IKZF1: variants seen among roughly 807,000 people sequenced by gnomAD.
IKZF1 encodes IKAROS family zinc finger 1.
Under a neutral mutation model 51.7 loss-of-function variants are expected in IKZF1, and 10 were observed. That is an observed-to-expected ratio of 0.19 (90% CI 0.12 to 0.33). IKZF1 has a LOEUF of 0.33. Among genes scored for constraint, IKZF1 ranks in the 10% least tolerant of loss-of-function variants. The pLI is 1.00. For missense variants in IKZF1, 484 were observed against 707.5 expected (o/e 0.68, Z 3.58); for synonymous variants, 280 against 282.3 (o/e 0.99, Z 0.08).
At chr7:50,371,213 C>T (rs375601251) in intron 3 of IKZF1, among the ~76,000 whole-genome samples, 20 of 152,254 alleles carry the variant, frequency 1.3e-4, no homozygotes, top group African/African-American at 4.3e-4. Flanking sequence ...GGATGGGTTC[C>T]GGGGTATTAT....
intron 1 of IKZF1, among the ~76,000 whole-genome samples, chr7:50,317,098 G>A (rs1235816741): frequency 1.3e-5 from 2 of 152,186 alleles, no homozygotes; most frequent in Non-Finnish European, 2.9e-5. Flanking sequence ...CTAAGTGGTA[G>A]AAATTATGAG....
At chr7:50,328,788 T>C (rs889935910) in intron 3 of IKZF1, 1 of 152,136 alleles carries the variant, frequency 6.6e-6, no homozygotes, top group African/African-American at 2.4e-5. Flanking sequence ...GAAAACATAT[T>C]TTGGGCCGGG....
chr7:50,398,494 C>G (rs769396400), intron 7 of IKZF1, among the ~76,000 whole-genome samples: 1 of 152,222 alleles, frequency 6.6e-6, no homozygotes, highest in African/African-American at 2.4e-5. Context: ...CTTATCAACC[C>G]TCCTTATCTG....
Position 50,391,623 on chromosome 7 carries a change from G to C in IKZF1, c.716-106G>C, listed in dbSNP as rs534609991. The C allele has an allele frequency of 8.4e-4, 1,250 of 1,484,224 alleles. 20 individuals are homozygous for C. In the South Asian group the frequency reaches 0.016, roughly 19 times the overall value. 91.9% of individuals were successfully genotyped at this position (1,484,224 alleles called of 1,614,324 possible). A position where few individuals can be genotyped will look rare whatever the true frequency, so the allele number is the denominator to read the frequency against. Reference sequence around the variant, plus strand: ...AGATTAGAATTAATCTCTAGGAAGGGCCTGGCTCTTGTAGGCACTTAACAA... The same window carrying C: ...AGATTAGAATTAATCTCTAGGAAGGCCCTGGCTCTTGTAGGCACTTAACAA... On this transcript the variant is annotated intron_variant, in intron 6 of 7. Coordinates refer to ENST00000331340, the MANE Select transcript of IKZF1 (RefSeq NM_006060.6).
At chr7:50,323,098 T>C (rs1793866074) in intron 2 of IKZF1, among the ~76,000 whole-genome samples, 1 of 152,248 alleles carries the variant, frequency 6.6e-6, no homozygotes, top group African/African-American at 2.4e-5. Flanking sequence ...TTTATCAAGT[T>C]AAGCATAGTA....
At chr7:50,330,559 C>T (rs1373447197) in intron 3 of IKZF1, among the ~76,000 whole-genome samples, 1 of 152,168 alleles carries the variant, frequency 6.6e-6, no homozygotes, top group Non-Finnish European at 1.5e-5. Flanking sequence ...AGAGAGGGCT[C>T]TTCACAGAGC....
intron 3 of IKZF1, among the ~76,000 whole-genome samples, chr7:50,361,881 G>GA (rs972775511): frequency 2.0e-4 from 30 of 150,110 alleles, no homozygotes; most frequent in East Asian, 5.8e-4. Context: ...TCTCAAAAAA[G>GA]AAAAAAAAAG....
chr7:50,346,250 C>T (rs535154899), intron 3 of IKZF1, among the ~76,000 whole-genome samples: 1 of 152,310 alleles, frequency 6.6e-6, no homozygotes, highest in South Asian at 2.1e-4. Flanking sequence ...CATCAGGCCC[C>T]AGTGCATAAG....
intron 1 of IKZF1, 142 bp from the exon 2 acceptor site, chr7:50,318,906 G>A (rs1175986725): frequency 3.6e-6 from 2 of 557,100 alleles, no homozygotes; most frequent in African/African-American, 1.9e-5. Flanking sequence ...TGATACTCCA[G>A]CAAGTATGTG....
At chr7:50,303,759 C>T (rs1425493356), upstream of IKZF1, among the ~76,000 whole-genome samples, 1 of 151,892 alleles carries the variant, frequency 6.6e-6, no homozygotes, top group South Asian at 2.1e-4. This position sits in a 1 kb window ranked among gnomAD's most constrained non-coding sequence, Gnocchi z 4.7. Flanking sequence ...CCTCCAGTCT[C>T]GCCAGCGGGG....
chr7:50,313,089 A>C (rs1223906470), intron 1 of IKZF1, among the ~76,000 whole-genome samples: 1 of 152,256 alleles, frequency 6.6e-6, no homozygotes, highest in African/African-American at 2.4e-5. Context: ...CTAGATACAA[A>C]GACTTTGCAC....
At chr7:50,315,011 G>A (rs1405547240) in intron 1 of IKZF1, among the ~76,000 whole-genome samples, 2 of 152,272 alleles carry the variant, frequency 1.3e-5, no homozygotes, top group Non-Finnish European at 2.9e-5. Flanking sequence ...AGCGGAGGCT[G>A]TAAATCAGCA....
intron 3 of IKZF1, among the ~76,000 whole-genome samples, chr7:50,356,631 C>G (rs1376649646): frequency 1.3e-5 from 2 of 152,210 alleles, no homozygotes; most frequent in African/African-American, 4.8e-5. Context: ...CAATGCAATT[C>G]CTTACTCTTA....
chr7:50,399,006 T>C (rs952565357), intron 7 of IKZF1, among the ~76,000 whole-genome samples: 25 of 152,224 alleles, frequency 1.6e-4, no homozygotes, highest in African/African-American at 6.0e-4. Context: ...GGTTTCACCA[T>C]TGCCAGGGAA....
Position 50,404,692 on chromosome 7 carries a change from A to G in IKZF1, c.*4065A>G, listed in dbSNP as rs1048603072. On this transcript the variant is annotated 3_prime_UTR_variant, in exon 8 of 8. Transcript: ENST00000331340. The stretch of plus-strand genomic sequence containing the variant: ...GTCCCAGTCTTGAGGGTGGGTGGAG[A>G]TGGAGGGCAACAAGAGATACATTTC... 17 of 231,326 alleles carry G rather than the reference A, an allele frequency of 7.3e-5. No homozygotes were observed. In the East Asian group the frequency reaches 1.0e-3, roughly 14 times the overall value. The allele number at this position is 231,326 out of a possible 1,614,324, so 14.3% of individuals were successfully genotyped here.
At chr7:50,371,736 G>A (rs570915648) in intron 3 of IKZF1, among the ~76,000 whole-genome samples, 53 of 152,338 alleles carry the variant, frequency 3.5e-4, no homozygotes, top group African/African-American at 7.5e-4. Flanking sequence ...AACCTTGCTC[G>A]CAGGAATTAG....
chr7:50,321,649 C>CT (rs1793352915), intron 2 of IKZF1, among the ~76,000 whole-genome samples: 1 of 152,148 alleles, frequency 6.6e-6, no homozygotes, highest in Non-Finnish European at 1.5e-5. Context: ...AGTCTACACT[C>CT]TGATATTCTA....
chr7:50,319,427 AAGAG>A (rs368445176), intron 2 of IKZF1, among the ~76,000 whole-genome samples: 1 of 151,474 alleles, frequency 6.6e-6, no homozygotes, highest in Non-Finnish European at 1.5e-5. Flanking sequence ...ATGGTACTTA[AAGAG>A]AGAGAGAGAG....
In IKZF1 at chr7:50,401,596, G is replaced by T. The variant is rs990225318; in HGVS notation, c.*969G>T. 3.6e-5 allele frequency: 8 copies of T among 221,214 alleles called. No individual in the cohort carries two copies. Among genetic ancestry groups the T allele is most frequent in the African/African-American group, 1.8e-4 (8 of 44,632 alleles). 13.7% of individuals were successfully genotyped at this position (221,214 alleles called of 1,614,324 possible). A position where few individuals can be genotyped will look rare whatever the true frequency, so the allele number is the denominator to read the frequency against. On this transcript the variant is annotated 3_prime_UTR_variant, in exon 8 of 8. Coordinates refer to ENST00000331340, the MANE Select transcript of IKZF1 (RefSeq NM_006060.6). The stretch of plus-strand genomic sequence containing the variant: ...TTCAAATCTCTTCCTTCCCTGGCTG[G>T]TTCCATCTAGTACCAGAGGCCTCTT...
Sources: gnomAD v4.1 joint callset for allele counts (sites outside exome capture counted in the v4.1 genomes callset) on GRCh38, gnomAD v4.1.1 for gene constraint, Gnocchi (gnomAD v3.1) non-coding constraint, MANE v1.5 for transcripts, NCBI Gene and HGNC (gene_info 2026-07-23, HGNC 2026-07-21) for gene names.